The following AKR1B15 variants were observed in gnomAD, a reference collection of about 807,000 sequenced individuals.
AKR1B15 encodes aldo-keto reductase family 1 member B15, also known as estradiol 17-beta-dehydrogenase AKR1B15.
AKR1B15 carries 49 observed loss-of-function variants against 38.5 expected under a neutral mutation model. That is an observed-to-expected ratio of 1.27 (90% CI 1.01 to 1.62). The LOEUF is 1.62. Among genes scored for constraint, AKR1B15 ranks in the 40% most tolerant of loss-of-function variants. AKR1B15 has a pLI of 0.00. For synonymous variants in AKR1B15, 137 were observed against 135.5 expected, an observed-to-expected ratio of 1.01 and a Z score of -0.08; for missense variants, 411 against 381.6, an observed-to-expected ratio of 1.08 and a Z score of -0.64.
At chr7:134,552,435 G>GC (rs1794018437) in intron 1 of AKR1B15, among the ~76,000 whole-genome samples, 1 of 152,050 alleles carries the variant, frequency 6.6e-6, no homozygotes, top group Admixed American at 6.5e-5. Context: ...AGAACTCCTG[G>GC]CCACCACCCT....
intron 1 of AKR1B15, among the ~76,000 whole-genome samples, chr7:134,552,280 C>T (rs933820143): frequency 2.0e-5 from 3 of 152,136 alleles, no homozygotes; most frequent in Admixed American, 2.0e-4. Context: ...TCAGCTCCTG[C>T]TAACCACCCT....
At chr7:134,559,528 G>T (rs1164555351) in intron 2 of AKR1B15, among the ~76,000 whole-genome samples, 1 of 152,118 alleles carries the variant, frequency 6.6e-6, no homozygotes, top group African/African-American at 2.4e-5. Flanking sequence ...TATTCAAACA[G>T]TATGGGCTAG....
intron 1 of AKR1B15, among the ~76,000 whole-genome samples, chr7:134,551,128 G>A (rs1793957315): frequency 6.6e-6 from 1 of 152,162 alleles, no homozygotes; most frequent in Non-Finnish European, 1.5e-5. Flanking sequence ...TTCTGAAGAA[G>A]AGGAAAGTTT....
intron 4 of AKR1B15, 32 bp downstream of exon 4, chr7:134,568,357 A>G (rs1355862034): frequency 1.2e-6 from 2 of 1,610,592 alleles, no homozygotes; most frequent in Non-Finnish European, 1.7e-6. Flanking sequence ...GGAGGCCTTC[A>G]CTTCAAGGCA....
At chr7:134,575,125 C>A (rs1476170251) in intron 6 of AKR1B15, among the ~76,000 whole-genome samples, 2 of 152,064 alleles carry the variant, frequency 1.3e-5, no homozygotes, top group Non-Finnish European at 2.9e-5. Context: ...TTCATATTTC[C>A]ATGGTGTATG....
chr7:134,574,180 A>G (rs1437415416), intron 6 of AKR1B15, among the ~76,000 whole-genome samples: 2 of 152,298 alleles, frequency 1.3e-5, no homozygotes, highest in South Asian at 2.1e-4. Context: ...GTCATGAGCC[A>G]CTGCATCCAG....
intron 9 of AKR1B15, 80 bp downstream of exon 9, chr7:134,576,510 T>A (rs1794771370): frequency 2.6e-6 from 4 of 1,522,660 alleles, no homozygotes; most frequent in East Asian, 2.3e-5. Context: ...TGTCCTCAAC[T>A]GACTCCTTAA....
At chr7:134,551,104 C>A (rs1793956032) in intron 1 of AKR1B15, among the ~76,000 whole-genome samples, 1 of 152,216 alleles carries the variant, frequency 6.6e-6, no homozygotes, top group Non-Finnish European at 1.5e-5. Context: ...CTCGATTCCT[C>A]CTGTACTGCC....
chr7:134,555,736 G>C (rs1015524315), intron 1 of AKR1B15, among the ~76,000 whole-genome samples: 2 of 152,116 alleles, frequency 1.3e-5, no homozygotes, highest in African/African-American at 4.8e-5. Context: ...AGCAGGGAAC[G>C]CTGACCTTGC....
intron 2 of AKR1B15, among the ~76,000 whole-genome samples, chr7:134,561,846 T>C (rs937214104): frequency 2.6e-5 from 4 of 152,204 alleles, no homozygotes; most frequent in African/African-American, 9.7e-5. Context: ...GGTCGGGATT[T>C]GACCATCTCT....
chr7:134,576,866 A>G (rs1794777248), intron 9 of AKR1B15, 97 bp from the exon 10 acceptor site: 1 of 1,165,568 alleles, frequency 8.6e-7, no homozygotes, highest in South Asian at 1.3e-5. Flanking sequence ...ATTGTACCTG[A>G]AGCCACAGTG....
intron 1 of AKR1B15, among the ~76,000 whole-genome samples, chr7:134,554,574 G>C (rs1322943248): frequency 2.0e-5 from 3 of 152,168 alleles, no homozygotes; most frequent in Admixed American, 2.0e-4. Flanking sequence ...TAAACGGCTT[G>C]TGCCCAAGTA....
At position 134,568,113 on chromosome 7, in the gene AKR1B15, T is replaced by TAA. The variant is rs761369683; in HGVS notation, c.151-36_151-35dup. 440 of 1,444,484 alleles carry TAA rather than the reference T, an allele frequency of 3.0e-4. No homozygotes were observed. The East Asian group carries it at 9.7e-3, about 32-fold the overall frequency. The allele number at this position is 1,444,484 out of a possible 1,614,324, so 89.5% of individuals were successfully genotyped here. A position where few individuals can be genotyped will look rare whatever the true frequency, so the allele number is the denominator to read the frequency against. On this transcript the variant is annotated intron_variant, in intron 3 of 11. Coordinates refer to ENST00000457545, the MANE Select transcript of AKR1B15 (RefSeq NM_001080538.3). ...GGCAACATGGCAAGGTCTCATCTCT[T>TAA]AAAAAAAAAATACATGTGTGATGGG...
intron 2 of AKR1B15, among the ~76,000 whole-genome samples, chr7:134,563,287 G>A (rs1006266427): frequency 2.6e-5 from 4 of 152,150 alleles, no homozygotes; most frequent in Non-Finnish European, 5.9e-5. Flanking sequence ...AAAGCAGGAT[G>A]TGGCCAGGCA....
At chr7:134,577,090 G>C (rs1794782227) in intron 10 of AKR1B15, 44 bp downstream of exon 10, 2 of 1,555,518 alleles carry the variant, frequency 1.3e-6, no homozygotes, top group African/African-American at 1.4e-5. Context: ...CAGTGGAGTG[G>C]GGGACAGGCA....
intron 3 of AKR1B15, chr7:134,565,288 G>T: frequency 1.1e-6 from 1 of 888,832 alleles, no homozygotes; most frequent in Non-Finnish European, 1.7e-6. Context: ...CACCAGAAGG[G>T]AGAAACTCCA....
intron 2 of AKR1B15, among the ~76,000 whole-genome samples, chr7:134,559,252 T>C (rs1371249777): frequency 6.6e-6 from 1 of 152,146 alleles, no homozygotes; most frequent in African/African-American, 2.4e-5. Context: ...CCCATGTTGA[T>C]AAGTGTCTAT....
At chr7:134,557,959 G>A (rs869261447) in intron 2 of AKR1B15, among the ~76,000 whole-genome samples, 42 of 29,232 alleles carry the variant, frequency 1.4e-3, no homozygotes, top group African/African-American at 2.3e-3. Flanking sequence ...ACTGTAACCC[G>A]TTTTCTCTTC....
chr7:134,565,945 G>T (rs1794523791), intron 3 of AKR1B15, among the ~76,000 whole-genome samples: 1 of 152,144 alleles, frequency 6.6e-6, no homozygotes, highest in African/African-American at 2.4e-5. Context: ...CCACTTTGCA[G>T]ATCACCATGT....
Sources: gnomAD v4.1 joint callset for allele counts (sites outside exome capture counted in the v4.1 genomes callset) on GRCh38, gnomAD v4.1.1 for gene constraint, MANE v1.5 for transcripts, NCBI Gene and HGNC (gene_info 2026-07-23, HGNC 2026-07-21) for gene names.